Variants in COG5 observed in about 807,000 individuals in gnomAD.
The protein encoded by COG5 is conserved oligomeric Golgi complex subunit 5.
COG5 carries 86 observed loss-of-function variants against 110.4 expected under a neutral mutation model. That is an observed-to-expected ratio of 0.78 (90% CI 0.65 to 0.93). The LOEUF (loss-of-function observed/expected upper bound fraction) is 0.93. Among genes scored for constraint, COG5 ranks in the 40% least tolerant of loss-of-function variants. The pLI, the probability that COG5 is intolerant of heterozygous loss-of-function variation, is 0.00. For synonymous variants in COG5, 360 were observed against 334.6 expected (o/e 1.08, Z -0.83); for missense variants, 1,077 against 987.0 (o/e 1.09, Z -1.22).
chr7:107,409,873 G>A (rs945500107), intron 7 of COG5, among the ~76,000 whole-genome samples: 1 of 152,110 alleles, frequency 6.6e-6, no homozygotes, highest in African/African-American at 2.4e-5. Flanking sequence ...AGAGACTGGA[G>A]GTTTACAGTG....
chr7:107,406,339 A>T (rs1463981527), intron 7 of COG5, among the ~76,000 whole-genome samples: 2 of 152,148 alleles, frequency 1.3e-5, no homozygotes, highest in African/African-American at 2.4e-5. Flanking sequence ...TTGTCTTTTT[A>T]ATCTGATTTA....
At chr7:107,506,246 G>A (rs1798987179) in intron 6 of COG5, among the ~76,000 whole-genome samples, 1 of 152,194 alleles carries the variant, frequency 6.6e-6, no homozygotes, top group South Asian at 2.1e-4. Context: ...GTGCAAAAGA[G>A]CACCAGCTGC....
intron 11 of COG5, among the ~76,000 whole-genome samples, chr7:107,299,826 CATATATATATATATATATATAT>C (rs71856513): frequency 9.7e-6 from 1 of 103,204 alleles, no homozygotes; most frequent in Non-Finnish European, 2.1e-5. Context: ...TCATAGTTGG[CATATATATATATATATATATAT>C]ATATATATAT....
chr7:107,276,023 T>C (rs924595343), intron 14 of COG5, among the ~76,000 whole-genome samples: 1 of 152,174 alleles, frequency 6.6e-6, no homozygotes, highest in African/African-American at 2.4e-5. Flanking sequence ...ATTGACCTCA[T>C]ACATAGCTAC....
At position 107,394,062 on chromosome 7, in the gene COG5, C is replaced by T. The variant is rs1028223759; in HGVS notation, c.669+18440G>A. ...CTGCAAGCTCCACCTCCCAGGTTCA[C>T]GCCATTCTCCTGCCTCAGCCTCCCA... is the stretch of plus-strand genomic sequence containing the variant. On this transcript the variant is annotated intron_variant, in intron 7 of 21. Transcript: ENST00000297135. Among the ~76,000 whole-genome samples, 7 of 151,908 alleles carry T rather than the reference C, an allele frequency of 4.6e-5. No homozygotes were observed. The East Asian group carries it at 5.8e-4, about 13-fold the overall frequency.
intron 10 of COG5, among the ~76,000 whole-genome samples, chr7:107,345,358 C>T (rs1036130389): frequency 1.3e-5 from 2 of 152,034 alleles, no homozygotes; most frequent in African/African-American, 4.8e-5. Flanking sequence ...CACCAATAGG[C>T]TTGCTTGATG....
chr7:107,407,617 CTT>C (rs1212163892), intron 7 of COG5, among the ~76,000 whole-genome samples: 16 of 128,704 alleles, frequency 1.2e-4, no homozygotes, highest in African/African-American at 2.8e-4. Context: ...TAAGCATCTT[CTT>C]TTTTTTTTTT....
intron 6 of COG5, among the ~76,000 whole-genome samples, chr7:107,414,702 C>CTTTTT (rs1563019968): frequency 4.0e-5 from 4 of 100,720 alleles, no homozygotes; most frequent in East Asian, 6.0e-4. Flanking sequence ...CCTCACTGTC[C>CTTTTT]CTTTTTTTTT....
At chr7:107,513,389 C>T (rs2129145964) in intron 6 of COG5, among the ~76,000 whole-genome samples, 1 of 152,174 alleles carries the variant, frequency 6.6e-6, no homozygotes, top group South Asian at 2.1e-4. Context: ...ATTAAAAAGT[C>T]AGGAAACAAC....
At chr7:107,248,331 C>T in intron 17 of COG5, 65 bp downstream of exon 17, 1 of 1,010,656 alleles carries the variant, frequency 9.9e-7, no homozygotes, top group South Asian at 1.3e-5. Flanking sequence ...AGGGAGTAAG[C>T]ATAGAGGTGG....
In COG5 at chr7:107,414,145, A is replaced by T. The variant is rs533080881; in HGVS notation, c.539-1513T>A. On this transcript the variant is annotated intron_variant, in intron 6 of 21. Transcript: ENST00000297135. ...AAAATTTGCCCAGGTTAGAACAATG[A>T]AAGTATTAAATAACTAGTTTAACTT... 1.2e-4 allele frequency among the ~76,000 whole-genome samples: 19 copies of T among 152,362 alleles called. 1 individual carries two copies. The South Asian group carries it at 3.3e-3, about 27-fold the overall frequency.
chr7:107,310,162 A>G (rs1808098726), intron 11 of COG5, among the ~76,000 whole-genome samples: 1 of 152,118 alleles, frequency 6.6e-6, no homozygotes, highest in African/African-American at 2.4e-5. Flanking sequence ...AGTTAATATC[A>G]TGTGATTAAC....
At chr7:107,523,523 T>C (rs1216227857) in intron 6 of COG5, among the ~76,000 whole-genome samples, 1 of 151,942 alleles carries the variant, frequency 6.6e-6, no homozygotes, top group Non-Finnish European at 1.5e-5. Context: ...CTGGTAAGAA[T>C]GTAAACATTG....
intron 6 of COG5, among the ~76,000 whole-genome samples, chr7:107,517,878 A>G (rs1800046738): frequency 6.6e-6 from 1 of 151,962 alleles, no homozygotes. Flanking sequence ...TTCTATTTTC[A>G]GTAGAGAAGG....
At chr7:107,338,003 C>T (rs1038853891) in intron 10 of COG5, among the ~76,000 whole-genome samples, 11 of 152,116 alleles carry the variant, frequency 7.2e-5, no homozygotes, top group Non-Finnish European at 1.3e-4. Context: ...ATTAAAGCTG[C>T]ATAATGTTAC....
At chr7:107,207,976 C>T in intron 21 of COG5, 1 of 985,392 alleles carries the variant, frequency 1.0e-6, no homozygotes, top group Non-Finnish European at 1.2e-6. Flanking sequence ...GCCCCAGAAG[C>T]TAAAACAAAT....
In COG5 at chr7:107,279,295, C is replaced by G. The variant is rs756269052; in HGVS notation, c.1575+2005G>C. The stretch of plus-strand genomic sequence containing the variant: ...TTAAAAAGTCAGGAAACAACAGATT[C>G]TGTCATTTCTTAATCTTGTGGACTG... On this transcript the variant is annotated intron_variant, in intron 14 of 21. Coordinates refer to ENST00000297135, the MANE Select transcript of COG5 (RefSeq NM_006348.5). Among the ~76,000 whole-genome samples, 11 of 152,288 alleles carry G rather than the reference C, an allele frequency of 7.2e-5. No homozygotes were observed. The Middle Eastern group carries it at 0.01, about 141-fold the overall frequency.
chr7:107,391,981 C>T (rs1235736271), intron 7 of COG5, among the ~76,000 whole-genome samples: 3 of 152,162 alleles, frequency 2.0e-5, no homozygotes, highest in Non-Finnish European at 4.4e-5. Context: ...GTCCCAGCTA[C>T]TTGGGAGGCT....
intron 6 of COG5, among the ~76,000 whole-genome samples, chr7:107,423,872 A>G (rs969961288): frequency 6.6e-6 from 1 of 152,118 alleles, no homozygotes. Context: ...TCTATAGCTA[A>G]TAAGTCAACA....
Sources: gnomAD v4.1 joint callset for allele counts (sites outside exome capture counted in the v4.1 genomes callset) on GRCh38, gnomAD v4.1.1 for gene constraint, MANE v1.5 for transcripts, NCBI Gene and HGNC (gene_info 2026-07-23, HGNC 2026-07-21) for gene names.